Variants in POTEC observed in about 807,000 individuals in gnomAD.
POTEC encodes ANKRD26-like family B member 2.
Under a neutral mutation model 62.0 loss-of-function variants are expected in POTEC, and 35 were observed. The observed-to-expected ratio is 0.56, with a 90% CI of 0.43 to 0.75. POTEC has a LOEUF of 0.75. Among genes scored for constraint, POTEC ranks in the 30% least tolerant of loss-of-function variants. The pLI is 0.00. For missense variants in POTEC, 472 were observed against 655.9 expected, an observed-to-expected ratio of 0.72 and a Z score of 3.06; for synonymous variants, 156 against 221.5, an observed-to-expected ratio of 0.70 and a Z score of 2.62.
Position 14,509,636 on chromosome 18 carries a change from T to A in POTEC, c.*2262A>T, listed in dbSNP as rs1225333149. On this transcript the variant is annotated 3_prime_UTR_variant, in exon 11 of 11. Transcript: ENST00000358970. ...GCAGCTCTCCACTGATCAGGCACGG[T>A]CCGCTTGTACAGAAGCTATGGTGTG... is the stretch of plus-strand genomic sequence containing the variant. 6.6e-6 allele frequency: 1 copy of A among 151,884 alleles called. No homozygotes were observed. Among genetic ancestry groups the A allele is most frequent in the Non-Finnish European group, 1.5e-5 (1 of 68,036 alleles). 9.4% of individuals were successfully genotyped at this position (151,884 alleles called of 1,614,324 possible).
At chr18:14,518,618 G>T (rs1293577710) in intron 9 of POTEC, among the ~76,000 whole-genome samples, 1 of 141,246 alleles carries the variant, frequency 7.1e-6, no homozygotes, top group Non-Finnish European at 1.5e-5. Context: ...GTAGCACACC[G>T]TTCTTCCTCA....
intron 10 of POTEC, among the ~76,000 whole-genome samples, chr18:14,512,315 G>C (rs1053159709): frequency 6.6e-6 from 1 of 152,104 alleles, no homozygotes; most frequent in Non-Finnish European, 1.5e-5. Flanking sequence ...TTTTTAAATT[G>C]GGTTTACACT....
chr18:14,515,999 C>G (rs552994458), intron 9 of POTEC, among the ~76,000 whole-genome samples: 1 of 151,306 alleles, frequency 6.6e-6, no homozygotes, highest in African/African-American at 2.4e-5. Flanking sequence ...AGAATGGTCA[C>G]TACTAAAATA....
chr18:14,540,275 T>C (rs1905887662), intron 1 of POTEC, among the ~76,000 whole-genome samples: 1 of 152,162 alleles, frequency 6.6e-6, no homozygotes, highest in Non-Finnish European at 1.5e-5. Flanking sequence ...TGTGAGAAAT[T>C]ATTTGTATCT....
chr18:14,512,948 A>T (rs1326985928), intron 10 of POTEC, among the ~76,000 whole-genome samples: 1 of 152,230 alleles, frequency 6.6e-6, no homozygotes, highest in East Asian at 1.9e-4. Flanking sequence ...GATATAACTT[A>T]CAAGGCTTTT....
chr18:14,508,705 G>T lies in POTEC; in HGVS notation c.*3193C>A, dbSNP rs1378266539. The T allele has an allele frequency of 6.6e-6, 1 of 152,432 alleles. No individual in the cohort carries two copies. Among genetic ancestry groups the T allele is most frequent in the Non-Finnish European group, 1.5e-5 (1 of 68,010 alleles). The allele number at this position is 152,432 out of a possible 1,614,324, so 9.4% of individuals were successfully genotyped here. A position where few individuals can be genotyped will look rare whatever the true frequency, so the allele number is the denominator to read the frequency against. ...TGAACTTTGTTCCTACCCATATCCT[G>T]AACTCTGCTTGTATCATTTCAGACA... On this transcript the variant is annotated 3_prime_UTR_variant, in exon 11 of 11. Transcript: ENST00000358970.
intron 3 of POTEC, among the ~76,000 whole-genome samples, chr18:14,537,600 T>G (rs1350172578): frequency 1.3e-5 from 2 of 152,054 alleles, no homozygotes; most frequent in African/African-American, 4.8e-5. Context: ...TAACCACAAG[T>G]GCACTGAAAA....
chr18:14,518,945 G>C (rs1309156588), intron 9 of POTEC, among the ~76,000 whole-genome samples: 1 of 152,130 alleles, frequency 6.6e-6, no homozygotes, highest in Non-Finnish European at 1.5e-5. Context: ...GAAACAATTT[G>C]ACTTATGTTT....
intron 9 of POTEC, among the ~76,000 whole-genome samples, chr18:14,518,903 G>T (rs1363418135): frequency 6.6e-6 from 1 of 151,920 alleles, no homozygotes; most frequent in Non-Finnish European, 1.5e-5. Context: ...GAGTGAAATG[G>T]GAGATAATCA....
In POTEC at chr18:14,543,546, C is replaced by T. The variant is rs1189307226; in HGVS notation, c.-400G>A. The T allele has an allele frequency of 1.2e-5, 4 of 345,340 alleles. No individual in the cohort carries two copies. Among genetic ancestry groups the T allele is most frequent in the Non-Finnish European group, 2.1e-5 (4 of 188,806 alleles). 21.4% of individuals were successfully genotyped at this position (345,340 alleles called of 1,614,324 possible). ...GCCAAGCCAAGCTAGGAACGCAAGG[C>T]CAAGCGAGGAACGCAAAGCGAAGCG... On this transcript the variant is annotated 5_prime_UTR_variant, in exon 1 of 11. Transcript: ENST00000358970.
intron 4 of POTEC, among the ~76,000 whole-genome samples, chr18:14,533,907 TTTTTG>T (rs1905616057): frequency 6.6e-6 from 1 of 151,912 alleles, no homozygotes; most frequent in Non-Finnish European, 1.5e-5. Flanking sequence ...GCTAGTTTTT[TTTTTG>T]TTTTTGTTTT....
chr18:14,519,695 T>C (rs1910258430), intron 9 of POTEC, among the ~76,000 whole-genome samples: 1 of 152,030 alleles, frequency 6.6e-6, no homozygotes, highest in Admixed American at 6.6e-5. Context: ...CCAGCCTGGG[T>C]GACAGAGCGA....
At chr18:14,533,299 C>A in intron 4 of POTEC, 101 bp from the exon 5 acceptor site, 16 of 1,542,046 alleles carry the variant, frequency 1.0e-5, no homozygotes, top group Non-Finnish European at 1.4e-5. Flanking sequence ...CCTGTCCATG[C>A]AGAATCAAAC....
chr18:14,513,560 T>C (rs1277851360), intron 10 of POTEC, 102 bp downstream of exon 10: 54 of 1,269,708 alleles, frequency 4.3e-5, no homozygotes, highest in African/African-American at 6.5e-5. Context: ...CACACACACG[T>C]GTGTATATAT....
In POTEC at chr18:14,508,063, C is replaced by T. The variant is rs1410859662; in HGVS notation, c.*3835G>A. On this transcript the variant is annotated 3_prime_UTR_variant, in exon 11 of 11. Coordinates refer to ENST00000358970, the MANE Select transcript of POTEC (RefSeq NM_001137671.2). ...TGTCTTGGGGATGATCTTCTCATGG[C>T]ATATCTTACTGAGGTTCTCTGGATT... The T allele has an allele frequency of 1.3e-5, 2 of 152,106 alleles. No homozygotes were observed. Among genetic ancestry groups the T allele is most frequent in the Non-Finnish European group, 2.9e-5 (2 of 68,028 alleles). 9.4% of individuals were successfully genotyped at this position (152,106 alleles called of 1,614,324 possible).
intron 4 of POTEC, among the ~76,000 whole-genome samples, chr18:14,533,626 G>GT (rs1905604171): frequency 6.6e-6 from 1 of 152,086 alleles, no homozygotes; most frequent in African/African-American, 2.4e-5. Flanking sequence ...AATAATAATG[G>GT]TAAGAATAGT....
At chr18:14,542,313 A>G (rs939447253) in intron 1 of POTEC, among the ~76,000 whole-genome samples, 1 of 152,382 alleles carries the variant, frequency 6.6e-6, no homozygotes, top group Non-Finnish European at 1.5e-5. Flanking sequence ...TCTATAGTGT[A>G]TAGAACATTG....
chr18:14,542,319 CAT>C, intron 1 of POTEC, among the ~76,000 whole-genome samples: 1 of 152,262 alleles, frequency 6.6e-6, no homozygotes. Flanking sequence ...GTGTATAGAA[CAT>C]TGTTTTAAAA....
At position 14,542,871 on chromosome 18, in the gene POTEC, C is replaced by T; in HGVS notation, c.276G>A (p.Lys92=). 1.5e-6 allele frequency: 2 copies of T among 1,303,434 alleles called. No individual in the cohort carries two copies. Among genetic ancestry groups the T allele is most frequent in the Non-Finnish European group, 1.1e-6 (1 of 935,758 alleles). 80.7% of individuals were successfully genotyped at this position (1,303,434 alleles called of 1,614,324 possible). A position where few individuals can be genotyped will look rare whatever the true frequency, so the allele number is the denominator to read the frequency against. The change falls in exon 1 of 11, where the codon AAG becomes AAA. Residue 92 remains lysine (K), a synonymous_variant. Coordinates refer to ENST00000358970, the MANE Select transcript of POTEC (RefSeq NM_001137671.2). ...TSGDHDNSFM[K]TLRSKMGKWC... The stretch of plus-strand genomic sequence containing the variant: ...ACTTGCCCATCTTGCTCCTGAGCGT[C>T]TTCATAAAGGAGTTGTCATGGTCTC...
Sources: allele counts gnomAD v4.1 joint callset (sites outside exome capture counted in the v4.1 genomes callset), GRCh38; gene constraint gnomAD v4.1.1; transcripts MANE v1.5; gene names NCBI Gene and HGNC (gene_info 2026-07-23, HGNC 2026-07-21).